SYT16: variants seen among roughly 807,000 people sequenced by gnomAD.
SYT16 encodes synaptotagmin-16.
SYT16 carries 42 observed loss-of-function variants against 61.4 expected under a neutral mutation model. The ratio of observed to expected loss-of-function variants is 0.68; its 90% confidence interval spans 0.53 to 0.89. The LOEUF is 0.89. Among genes scored for constraint, SYT16 ranks in the 40% least tolerant of loss-of-function variants. SYT16 has a pLI of 0.00. For missense variants in SYT16, 804 were observed against 807.3 expected, an observed-to-expected ratio of 1.00 and a Z score of 0.05; for synonymous variants, 314 against 302.3, an observed-to-expected ratio of 1.04 and a Z score of -0.40.
At chr14:61,974,970 G>A (rs541826861) in intron 2 of SYT16, among the ~76,000 whole-genome samples, 2 of 152,336 alleles carry the variant, frequency 1.3e-5, no homozygotes, top group South Asian at 2.1e-4. Flanking sequence ...GATTCAGCAG[G>A]GGCTTCTGAC....
chr14:62,109,577 G>T lies in SYT16; in HGVS notation c.*8870G>T, dbSNP rs1245401224. 1 of 151,912 alleles carries T rather than the reference G, an allele frequency of 6.6e-6. No individual in the cohort carries two copies. Among genetic ancestry groups the T allele is most frequent in the African/African-American group, 2.4e-5 (1 of 41,350 alleles). The allele number at this position is 151,912 out of a possible 1,614,324, so 9.4% of individuals were successfully genotyped here. A position where few individuals can be genotyped will look rare whatever the true frequency, so the allele number is the denominator to read the frequency against. ...ATTGAGCTTGTTTTACATTGGGGGA[G>T]GAGATTTATGAAAAAATATAATAAT... On this transcript the variant is annotated 3_prime_UTR_variant, in exon 8 of 8. Transcript: ENST00000683842.
At chr14:62,004,767 G>C (rs1037760655) in intron 3 of SYT16, among the ~76,000 whole-genome samples, 2 of 152,208 alleles carry the variant, frequency 1.3e-5, no homozygotes, top group Non-Finnish European at 2.9e-5. Context: ...TTCCCCTCTT[G>C]GCATCTTTGA....
chr14:61,973,156 A>G (rs960137958), intron 2 of SYT16, among the ~76,000 whole-genome samples: 1 of 152,200 alleles, frequency 6.6e-6, no homozygotes, highest in Non-Finnish European at 1.5e-5. Flanking sequence ...GCAAGAGTGG[A>G]TGTTTATTTT....
intron 7 of SYT16, among the ~76,000 whole-genome samples, chr14:62,096,499 G>T (rs1050700786): frequency 2.0e-5 from 3 of 151,862 alleles, no homozygotes; most frequent in Admixed American, 2.0e-4. Flanking sequence ...TAATACATTG[G>T]AACATTACAC....
intron 1 of SYT16, among the ~76,000 whole-genome samples, chr14:61,945,806 A>C (rs1013626169): frequency 7.4e-6 from 1 of 135,988 alleles, no homozygotes; most frequent in Non-Finnish European, 1.6e-5. Context: ...CAGTGAGCCG[A>C]GATCACGCCA....
chr14:61,864,530 G>A (rs575527376), intron 1 of SYT16, among the ~76,000 whole-genome samples: 7 of 152,264 alleles, frequency 4.6e-5, no homozygotes, highest in Admixed American at 1.3e-4. Context: ...ATTATGATGT[G>A]GTAGAGATGA....
Position 62,052,726 on chromosome 14 carries a change from T to C in SYT16, c.524-16877T>C, listed in dbSNP as rs1160715273. On this transcript the variant is annotated intron_variant, in intron 3 of 7. Transcript: ENST00000683842. ...GTGGAGCCCTCATGAGTGGGATTAGTGCCTTCATAAGAAAAGGCAAGGGAG... is the reference window on the plus strand; with the variant it reads ...GTGGAGCCCTCATGAGTGGGATTAGCGCCTTCATAAGAAAAGGCAAGGGAG... Among the ~76,000 whole-genome samples the C allele has an allele frequency of 2.6e-5, 4 of 152,306 alleles. 1 individual carries two copies. The highest frequency in any genetic ancestry group is 1.5e-5 in the Non-Finnish European group (1 of 68,020).
At chr14:62,058,104 A>G (rs990434605) in intron 3 of SYT16, among the ~76,000 whole-genome samples, 1 of 152,138 alleles carries the variant, frequency 6.6e-6, no homozygotes, top group Non-Finnish European at 1.5e-5. Context: ...GCAGGTATAA[A>G]TAGTTCCTTC....
At chr14:61,967,829 T>C (rs2051377901) in intron 1 of SYT16, among the ~76,000 whole-genome samples, 1 of 152,126 alleles carries the variant, frequency 6.6e-6, no homozygotes, top group Non-Finnish European at 1.5e-5. Context: ...TTGAACAAAC[T>C]TATAAATGAA....
chr14:61,919,546 T>C (rs1384111371), intron 1 of SYT16, among the ~76,000 whole-genome samples: 1 of 152,210 alleles, frequency 6.6e-6, no homozygotes, highest in Non-Finnish European at 1.5e-5. Flanking sequence ...GCTCATGGCC[T>C]CTTCCTCCAT....
At chr14:61,878,292 A>G (rs1386486316) in intron 1 of SYT16, among the ~76,000 whole-genome samples, 1 of 152,236 alleles carries the variant, frequency 6.6e-6, no homozygotes, top group Non-Finnish European at 1.5e-5. Context: ...AGCCAAAGGC[A>G]GTTATTTCTT....
intron 3 of SYT16, among the ~76,000 whole-genome samples, chr14:62,056,603 A>C (rs2055568159): frequency 6.6e-6 from 1 of 152,166 alleles, no homozygotes; most frequent in African/African-American, 2.4e-5. Context: ...GCAGAAACGC[A>C]CGTAGATGTT....
intron 7 of SYT16, among the ~76,000 whole-genome samples, chr14:62,089,093 A>G (rs1226376978): frequency 2.0e-5 from 3 of 152,002 alleles, no homozygotes. Context: ...CCAGGTGGGC[A>G]GATCACCTGA....
intron 3 of SYT16, among the ~76,000 whole-genome samples, chr14:62,023,115 A>C (rs931007898): frequency 6.6e-6 from 1 of 152,096 alleles, no homozygotes; most frequent in Admixed American, 6.6e-5. Context: ...ACTGCCAAAC[A>C]TTGTGCATCA....
rs534237661 is a variant in SYT16 at position 61,910,641 on chromosome 14, A to G, written c.-324-59491A>G. Reference sequence around the variant, plus strand: ...TGCCTCCCGGATTCAAAGATTCTCTATCTCAGCCTCCCGAGTAGCTGGGAT... The same window carrying G: ...TGCCTCCCGGATTCAAAGATTCTCTGTCTCAGCCTCCCGAGTAGCTGGGAT... On this transcript the variant is annotated intron_variant, in intron 1 of 7. Transcript: ENST00000683842. Among the ~76,000 whole-genome samples, 10 of 148,514 alleles carry G rather than the reference A, an allele frequency of 6.7e-5. No homozygotes were observed. The South Asian group carries it at 1.9e-3, about 29-fold the overall frequency.
At chr14:61,901,815 A>G (rs1242158637) in intron 1 of SYT16, among the ~76,000 whole-genome samples, 2 of 151,320 alleles carry the variant, frequency 1.3e-5, no homozygotes, top group African/African-American at 4.9e-5. Flanking sequence ...AGGCTGGAGT[A>G]CAGTGGTGCA....
chr14:62,046,634 G>C (rs2055000382), intron 3 of SYT16, among the ~76,000 whole-genome samples: 1 of 152,142 alleles, frequency 6.6e-6, no homozygotes, highest in Non-Finnish European at 1.5e-5. Flanking sequence ...TTTTATATAA[G>C]GTGTAAGGAA....
chr14:62,020,950 T>G (rs1404401692), intron 3 of SYT16, among the ~76,000 whole-genome samples: 1 of 152,200 alleles, frequency 6.6e-6, no homozygotes, highest in Non-Finnish European at 1.5e-5. Flanking sequence ...TTTCTTGGAG[T>G]GTGAGCTGTT....
chr14:61,962,073 A>G (rs1368422866), intron 1 of SYT16, among the ~76,000 whole-genome samples: 1 of 152,130 alleles, frequency 6.6e-6, no homozygotes, highest in Non-Finnish European at 1.5e-5. Context: ...CATTGAGAGC[A>G]CAGGGACACA....
Sources: allele counts gnomAD v4.1 joint callset (sites outside exome capture counted in the v4.1 genomes callset), GRCh38; gene constraint gnomAD v4.1.1; transcripts MANE v1.5; gene names NCBI Gene and HGNC (gene_info 2026-07-23, HGNC 2026-07-21).